GRID2: variants seen among roughly 807,000 people sequenced by gnomAD.
GRID2 encodes the protein glutamate ionotropic receptor delta type subunit 2.
Under a neutral mutation model 114.8 loss-of-function variants are expected in GRID2, and 33 were observed. The observed-to-expected ratio is 0.29, with a 90% CI of 0.22 to 0.38. The LOEUF (loss-of-function observed/expected upper bound fraction) is 0.38. Among genes scored for constraint, GRID2 ranks in the 10% least tolerant of loss-of-function variants. The probability of loss-of-function intolerance (pLI) is 1.00; values close to 1 mark genes in which losing one functional copy is unlikely to be tolerated. For synonymous variants in GRID2, 505 were observed against 449.9 expected, an observed-to-expected ratio of 1.12 and a Z score of -1.55; for missense variants, 1,184 against 1,257.7, an observed-to-expected ratio of 0.94 and a Z score of 0.89.
At chr4:92,882,926 G>A (rs1746124929) in intron 2 of GRID2, among the ~76,000 whole-genome samples, 1 of 152,198 alleles carries the variant, frequency 6.6e-6, no homozygotes, top group Non-Finnish European at 1.5e-5. Flanking sequence ...GCTGCTGAGT[G>A]GTCACAGTAG....
intron 4 of GRID2, chr4:93,166,015 T>A (rs2149414821): frequency 6.6e-6 from 1 of 152,286 alleles, no homozygotes; most frequent in South Asian, 2.1e-4. Flanking sequence ...GTATAGGCAC[T>A]TATAAGGCAT....
At chr4:92,910,435 G>A (rs936358360) in intron 2 of GRID2, among the ~76,000 whole-genome samples, 1 of 152,038 alleles carries the variant, frequency 6.6e-6, no homozygotes, top group African/African-American at 2.4e-5. Flanking sequence ...GCCAATAGTG[G>A]TAATTAAGCA....
intron 3 of GRID2, among the ~76,000 whole-genome samples, chr4:93,104,105 G>T (rs1379651893): frequency 6.6e-6 from 1 of 151,988 alleles, no homozygotes; most frequent in African/African-American, 2.4e-5. Context: ...GTAGTGTAAT[G>T]TTTAGCTTCC....
intron 1 of GRID2, among the ~76,000 whole-genome samples, chr4:92,325,598 TCAAA>T (rs778179439): frequency 5.3e-5 from 8 of 151,970 alleles, no homozygotes; most frequent in South Asian, 2.1e-4. Context: ...ATTTTCAAAC[TCAAA>T]CAAAGAGATT....
At chr4:92,741,086 A>G (rs1736874071) in intron 2 of GRID2, among the ~76,000 whole-genome samples, 1 of 152,112 alleles carries the variant, frequency 6.6e-6, no homozygotes. Flanking sequence ...TCAGTCTTAT[A>G]CAGGAGTTAA....
chr4:93,354,408 G>A (rs1012051016), intron 8 of GRID2, among the ~76,000 whole-genome samples: 1 of 151,940 alleles, frequency 6.6e-6, no homozygotes, highest in African/African-American at 2.4e-5. Flanking sequence ...GACTTGTCAA[G>A]CTACAGAAAG....
chr4:93,255,152 T>A (rs1190551716), intron 8 of GRID2, among the ~76,000 whole-genome samples: 1 of 152,120 alleles, frequency 6.6e-6, no homozygotes, highest in Non-Finnish European at 1.5e-5. Context: ...TTCATTCATA[T>A]ACATACTAAT....
intron 2 of GRID2, among the ~76,000 whole-genome samples, chr4:92,777,674 A>AAT (rs1738876766): frequency 6.6e-6 from 1 of 151,756 alleles, no homozygotes; most frequent in African/African-American, 2.4e-5. Flanking sequence ...GCCATGCCCT[A>AAT]ATTCATTATG....
chr4:93,526,223 A>G (rs1480059103), intron 13 of GRID2, among the ~76,000 whole-genome samples: 2 of 152,036 alleles, frequency 1.3e-5, no homozygotes, highest in African/African-American at 4.8e-5. Flanking sequence ...TTTTAAAGTG[A>G]TATTTCCTCG....
chr4:92,674,879 T>C (rs1733266376), intron 2 of GRID2, among the ~76,000 whole-genome samples: 1 of 152,230 alleles, frequency 6.6e-6, no homozygotes, highest in Non-Finnish European at 1.5e-5. Flanking sequence ...ATAGCTGTTT[T>C]ATTGATTTTT....
intron 2 of GRID2, among the ~76,000 whole-genome samples, chr4:92,806,714 A>G (rs1740431525): frequency 6.6e-6 from 1 of 151,994 alleles, no homozygotes; most frequent in Non-Finnish European, 1.5e-5. Context: ...CTTCAGTAGT[A>G]TTTCTAATAG....
intron 14 of GRID2, among the ~76,000 whole-genome samples, chr4:93,627,773 T>C (rs1416350891): frequency 6.6e-6 from 1 of 152,210 alleles, no homozygotes; most frequent in Non-Finnish European, 1.5e-5. Context: ...GGATGTGGCA[T>C]ATGTTCCATC....
intron 11 of GRID2, among the ~76,000 whole-genome samples, chr4:93,486,790 C>A (rs1455143384): frequency 6.6e-6 from 1 of 151,650 alleles, no homozygotes; most frequent in Non-Finnish European, 1.5e-5. Context: ...CCTATAATTG[C>A]CTTTTATTGG....
chr4:93,116,841 T>G (rs1021255451), intron 4 of GRID2, among the ~76,000 whole-genome samples: 1 of 152,026 alleles, frequency 6.6e-6, no homozygotes, highest in African/African-American at 2.4e-5. Context: ...AGTTCAATGA[T>G]AATGAATCAA....
intron 2 of GRID2, among the ~76,000 whole-genome samples, chr4:92,717,876 C>T (rs778677692): frequency 6.6e-6 from 1 of 151,982 alleles, no homozygotes; most frequent in Non-Finnish European, 1.5e-5. Context: ...GCAAAATATC[C>T]CAATGTTTCT....
intron 4 of GRID2, among the ~76,000 whole-genome samples, chr4:93,158,790 A>G (rs1268608397): frequency 6.6e-6 from 1 of 151,776 alleles, no homozygotes; most frequent in African/African-American, 2.4e-5. Context: ...TCTGTGTCTC[A>G]GATGAGACTG....
At chr4:92,411,214 G>A (rs1028573325) in intron 1 of GRID2, among the ~76,000 whole-genome samples, 7 of 152,086 alleles carry the variant, frequency 4.6e-5, no homozygotes, top group Non-Finnish European at 7.4e-5. Context: ...ATTTATGTAC[G>A]TGAACTGCTT....
At chr4:93,666,510 T>A (rs1233319990) in intron 14 of GRID2, among the ~76,000 whole-genome samples, 1 of 152,058 alleles carries the variant, frequency 6.6e-6, no homozygotes, top group Non-Finnish European at 1.5e-5. Context: ...ATAATTATTA[T>A]AAGCACCTGG....
chr4:93,011,394 A>T (rs928256794), intron 2 of GRID2, among the ~76,000 whole-genome samples: 1 of 151,976 alleles, frequency 6.6e-6, no homozygotes, highest in Non-Finnish European at 1.5e-5. Flanking sequence ...CAGTAGTGAT[A>T]AAAAAATTCA....
Sources: gnomAD v4.1 joint callset for allele counts (sites outside exome capture counted in the v4.1 genomes callset) on GRCh38, gnomAD v4.1.1 for gene constraint, MANE v1.5 for transcripts, NCBI Gene and HGNC (gene_info 2026-07-23, HGNC 2026-07-21) for gene names.